Variants in EDARADD observed in about 807,000 individuals in gnomAD.
EDARADD encodes the protein ectodysplasin-A receptor-associated adapter protein.
EDARADD carries 20 observed loss-of-function variants against 25.6 expected under a neutral mutation model. That is an observed-to-expected ratio of 0.78 (90% CI 0.55 to 1.14). EDARADD has a LOEUF of 1.14. Among genes scored for constraint, EDARADD ranks in the 50% most tolerant of loss-of-function variants. The probability of loss-of-function intolerance (pLI) is 0.00; values close to 1 mark genes in which losing one functional copy is unlikely to be tolerated. For missense variants in EDARADD, 225 were observed against 270.1 expected (o/e 0.83, Z 1.17); for synonymous variants, 86 against 94.4 (o/e 0.91, Z 0.52).
At chr1:236,467,074 CA>C (rs201271024) in intron 4 of EDARADD, among the ~76,000 whole-genome samples, 1 of 134,346 alleles carries the variant, frequency 7.4e-6, no homozygotes, top group Non-Finnish European at 1.5e-5. Context: ...TCAAAAAAAA[CA>C]AAAAAACAAA....
rs933165597 is a variant in EDARADD, at chr1:236,425,959, A to C, written c.161-1433A>C. 3.0e-5 allele frequency among the ~76,000 whole-genome samples: 4 copies of C among 132,586 alleles called. No homozygotes were observed. In the South Asian group the frequency reaches 7.6e-4, roughly 25 times the overall value. The allele number at this position is 132,586 out of a possible 152,430, so 87.0% of individuals were successfully genotyped here. A position where few individuals can be genotyped will look rare whatever the true frequency, so the allele number is the denominator to read the frequency against. On this transcript the variant is annotated intron_variant, in intron 3 of 5. Coordinates refer to ENST00000334232, the MANE Select transcript of EDARADD (RefSeq NM_145861.4). ...TTATGCCAGTTGTTTCTTTTCTTTT[A>C]TTTTTCTTATCTTTTTTTTTTATTT...
At chr1:236,407,051 T>C (rs1174387228) in intron 1 of EDARADD, among the ~76,000 whole-genome samples, 1 of 152,226 alleles carries the variant, frequency 6.6e-6, no homozygotes, top group African/African-American at 2.4e-5. Context: ...CAGTCAGAAC[T>C]GGGGCTCTGT....
At chr1:236,417,962 C>CA (rs1657682510) in intron 3 of EDARADD, among the ~76,000 whole-genome samples, 2 of 139,426 alleles carry the variant, frequency 1.4e-5, no homozygotes, top group Non-Finnish European at 3.0e-5. Context: ...TTCTTTTTTT[C>CA]TTTTTTTTTG....
intron 4 of EDARADD, among the ~76,000 whole-genome samples, chr1:236,464,250 A>ATTTT (rs34675825): frequency 7.0e-6 from 1 of 142,390 alleles, no homozygotes; most frequent in Non-Finnish European, 1.5e-5. Context: ...TTCTGCAAGT[A>ATTTT]TTATTTTTTT....
At chr1:236,471,969 G>A (rs183712271) in intron 5 of EDARADD, among the ~76,000 whole-genome samples, 16 of 152,152 alleles carry the variant, frequency 1.1e-4, no homozygotes, top group Admixed American at 3.3e-4. Flanking sequence ...TTTATAACCC[G>A]CCAGCCATGA....
At chr1:236,372,050 G>A (rs781597100) in intron 3 of EDARADD, among the ~76,000 whole-genome samples, 17 of 151,952 alleles carry the variant, frequency 1.1e-4, no homozygotes, top group African/African-American at 2.4e-4. Context: ...TCTGACTCCC[G>A]GGTTCAAGCA....
chr1:236,396,925 G>T (rs182219901), intron 1 of EDARADD, among the ~76,000 whole-genome samples: 1 of 135,362 alleles, frequency 7.4e-6, no homozygotes, highest in African/African-American at 2.7e-5. Flanking sequence ...TTTTAGGCTG[G>T]ATTTTACTAC....
chr1:236,432,678 A>G (rs951307445), intron 4 of EDARADD, among the ~76,000 whole-genome samples: 1 of 152,072 alleles, frequency 6.6e-6, no homozygotes, highest in African/African-American at 2.4e-5. Context: ...TGAGATCAGG[A>G]ATTCTAGACC....
At chr1:236,388,881 C>A (rs1272426145) in intron 3 of EDARADD, among the ~76,000 whole-genome samples, 5 of 152,224 alleles carry the variant, frequency 3.3e-5, no homozygotes, top group Non-Finnish European at 7.3e-5. Context: ...AGTTACCAGT[C>A]TGAGCCTGTG....
intron 5 of EDARADD, among the ~76,000 whole-genome samples, chr1:236,474,531 T>C (rs1369358028): frequency 6.6e-6 from 1 of 152,236 alleles, no homozygotes; most frequent in African/African-American, 2.4e-5. Flanking sequence ...TAATTAATTA[T>C]TCAACAACCC....
chr1:236,367,507 G>T (rs1465195869), intron 3 of EDARADD, among the ~76,000 whole-genome samples: 2 of 152,122 alleles, frequency 1.3e-5, no homozygotes, highest in East Asian at 3.9e-4. Flanking sequence ...GGGATTACAG[G>T]CATGGGCCAC....
intron 4 of EDARADD, among the ~76,000 whole-genome samples, chr1:236,433,413 G>A (rs1008650802): frequency 1.3e-5 from 2 of 151,496 alleles, no homozygotes; most frequent in Non-Finnish European, 2.9e-5. Context: ...AAAAATACAA[G>A]CGATTCTCCC....
At chr1:236,453,975 T>TTA (rs112964311) in intron 4 of EDARADD, among the ~76,000 whole-genome samples, 6,871 of 152,288 alleles carry the variant, frequency 0.045, 551 homozygotes, top group African/African-American at 0.16. Flanking sequence ...GTGACTAGTT[T>TTA]TATCTTGTTT....
Position 236,483,330 on chromosome 1 carries a change from C to T in EDARADD, c.*681C>T, listed in dbSNP as rs549879586. On this transcript the variant is annotated 3_prime_UTR_variant, in exon 6 of 6. Transcript: ENST00000334232. ...AGAGCTCCAGGACAATGATAAGACT[C>T]GCTATATGGGGAAGGGTGTCTCAAA... 1.8e-5 allele frequency: 28 copies of T among 1,592,802 alleles called. No homozygotes were observed. The highest frequency in any genetic ancestry group is 5.4e-5 in the African/African-American group (4 of 74,394).
intron 3 of EDARADD, among the ~76,000 whole-genome samples, chr1:236,352,047 T>G (rs1021794104): frequency 6.6e-6 from 1 of 152,126 alleles, no homozygotes; most frequent in Non-Finnish European, 1.5e-5. Flanking sequence ...GTCACTCCAG[T>G]GCCATGTTGG....
chr1:236,436,624 CAAAAAAAAAA>C (rs5781885), intron 4 of EDARADD, among the ~76,000 whole-genome samples: 1 of 94,230 alleles, frequency 1.1e-5, no homozygotes, highest in African/African-American at 4.4e-5. Context: ...AAGATCTTGT[CAAAAAAAAAA>C]AAAAAAAAAA....
intron 3 of EDARADD, among the ~76,000 whole-genome samples, chr1:236,357,308 CGTTA>C (rs1215674499): frequency 6.6e-6 from 1 of 152,018 alleles, no homozygotes; most frequent in Non-Finnish European, 1.5e-5. Context: ...CAAAATACTG[CGTTA>C]GTCTGTTTGT....
intron 3 of EDARADD, among the ~76,000 whole-genome samples, chr1:236,414,833 A>C (rs1016161144): frequency 6.6e-6 from 1 of 152,010 alleles, no homozygotes. Flanking sequence ...AGATCGCACC[A>C]CTGCACTCCA....
chr1:236,393,077 G>C (rs199913492), upstream of EDARADD, among the ~76,000 whole-genome samples: 4 of 152,146 alleles, frequency 2.6e-5, no homozygotes, highest in East Asian at 7.7e-4. Flanking sequence ...GAGCCACCAT[G>C]CCCAGCCAGT....
Sources: gnomAD v4.1 joint callset for allele counts (sites outside exome capture counted in the v4.1 genomes callset) on GRCh38, gnomAD v4.1.1 for gene constraint, MANE v1.5 for transcripts, NCBI Gene and HGNC (gene_info 2026-07-23, HGNC 2026-07-21) for gene names.